The following DPP6 variants were observed in gnomAD, a reference collection of about 807,000 sequenced individuals.
The protein encoded by DPP6 is A-type potassium channel modulatory protein DPP6.
A neutral mutation model predicts 122.6 loss-of-function variants in DPP6; 69 were observed. The ratio of observed to expected loss-of-function variants is 0.56; its 90% confidence interval spans 0.46 to 0.69. The LOEUF is 0.69. Among genes scored for constraint, DPP6 ranks in the 30% least tolerant of loss-of-function variants. The probability of loss-of-function intolerance (pLI) is 0.00; values close to 1 mark genes in which losing one functional copy is unlikely to be tolerated. For synonymous variants in DPP6, 418 were observed against 433.1 expected (o/e 0.97, Z 0.43); for missense variants, 928 against 1,116.9 (o/e 0.83, Z 2.41).
intron 1 of DPP6, among the ~76,000 whole-genome samples, chr7:154,396,382 G>A (rs1263020650): frequency 6.6e-6 from 1 of 152,108 alleles, no homozygotes; most frequent in Admixed American, 6.5e-5. Context: ...TGTGCTACAC[G>A]TGTGGACAGG....
At chr7:154,881,528 G>A (rs899885746) in intron 21 of DPP6, among the ~76,000 whole-genome samples, 4 of 152,110 alleles carry the variant, frequency 2.6e-5, no homozygotes, top group African/African-American at 9.7e-5. Context: ...CCTAGACCTG[G>A]GGCCTCTTGA....
At chr7:154,320,787 C>T (rs1439300110) in intron 1 of DPP6, among the ~76,000 whole-genome samples, 6 of 152,052 alleles carry the variant, frequency 3.9e-5, no homozygotes, top group Non-Finnish European at 8.8e-5. Flanking sequence ...TGCCCGGCCC[C>T]TATTGTACTT....
At chr7:154,579,517 A>G (rs1831904856) in intron 5 of DPP6, among the ~76,000 whole-genome samples, 2 of 152,246 alleles carry the variant, frequency 1.3e-5, no homozygotes, top group African/African-American at 2.4e-5. Context: ...AAGTTACAAA[A>G]TATTACAATG....
chr7:153,977,150 A>G (rs1796349019), intron 1 of DPP6, among the ~76,000 whole-genome samples: 1 of 151,974 alleles, frequency 6.6e-6, no homozygotes. Context: ...CTCTTGGCCC[A>G]AAGGTTAACA....
At chr7:154,208,642 A>C (rs1799579444) in intron 1 of DPP6, among the ~76,000 whole-genome samples, 1 of 152,226 alleles carries the variant, frequency 6.6e-6, no homozygotes, top group South Asian at 2.1e-4. Flanking sequence ...TGCACAGTTT[A>C]ATTGGCAATT....
chr7:154,006,337 C>T (rs1797912091), intron 1 of DPP6, among the ~76,000 whole-genome samples: 1 of 151,864 alleles, frequency 6.6e-6, no homozygotes, highest in South Asian at 2.1e-4. Flanking sequence ...CCTATCTGCT[C>T]GCATTGAGAT....
At chr7:154,468,142 C>T (rs1402130011) in intron 2 of DPP6, among the ~76,000 whole-genome samples, 1 of 152,190 alleles carries the variant, frequency 6.6e-6, no homozygotes, top group African/African-American at 2.4e-5. Flanking sequence ...AGTAGTGGTA[C>T]ATTCTGTACG....
At chr7:154,751,106 GA>G (rs1563169326) in intron 8 of DPP6, among the ~76,000 whole-genome samples, 1 of 152,214 alleles carries the variant, frequency 6.6e-6, no homozygotes, top group African/African-American at 2.4e-5. Flanking sequence ...GTGTTAGGCA[GA>G]TGGATGTGCT....
At chr7:154,679,761 T>C (rs1839170235) in intron 7 of DPP6, among the ~76,000 whole-genome samples, 1 of 152,164 alleles carries the variant, frequency 6.6e-6, no homozygotes, top group South Asian at 2.1e-4. Context: ...TGTAAAAACA[T>C]TCATCATGGG....
chr7:154,343,049 T>G (rs965006987), intron 1 of DPP6, among the ~76,000 whole-genome samples: 1 of 152,206 alleles, frequency 6.6e-6, no homozygotes, highest in Non-Finnish European at 1.5e-5. Flanking sequence ...TGTTCAGCTT[T>G]GCTGAAAATG....
intron 5 of DPP6, among the ~76,000 whole-genome samples, chr7:154,571,033 G>C (rs570226392): frequency 1.1e-4 from 16 of 152,084 alleles, no homozygotes; most frequent in Admixed American, 3.3e-4. Context: ...GCTCCAAAGA[G>C]ACAACATGTG....
chr7:154,178,460 C>G (rs574103905), intron 1 of DPP6, among the ~76,000 whole-genome samples: 1 of 151,572 alleles, frequency 6.6e-6, no homozygotes, highest in African/African-American at 2.4e-5. Flanking sequence ...CTCTACCCAT[C>G]CCCAGCAATT....
intron 2 of DPP6, among the ~76,000 whole-genome samples, chr7:154,474,627 T>A (rs1822563925): frequency 6.6e-6 from 1 of 152,212 alleles, no homozygotes. Flanking sequence ...TCTCGACTAT[T>A]CCCACCCTAT....
At chr7:154,770,014 A>G (rs532598086) in intron 9 of DPP6, among the ~76,000 whole-genome samples, 2 of 152,284 alleles carry the variant, frequency 1.3e-5, no homozygotes, top group East Asian at 3.9e-4. Context: ...GTCCTTGCCA[A>G]ATTCATACAT....
At chr7:153,806,963 G>C in the DPP6 span, among the ~76,000 whole-genome samples, 1 of 151,934 alleles carries the variant, frequency 6.6e-6, no homozygotes, top group African/African-American at 2.4e-5. Flanking sequence ...TTTAACTGAA[G>C]GACCCCTCCG....
intron 19 of DPP6, among the ~76,000 whole-genome samples, chr7:154,874,806 G>A (rs911231132): frequency 1.3e-5 from 2 of 152,210 alleles, no homozygotes; most frequent in African/African-American, 4.8e-5. Flanking sequence ...CCCGGCAAGA[G>A]GGAAAATCAC....
chr7:153,941,633 C>G (rs1023608698), intron 1 of DPP6, among the ~76,000 whole-genome samples: 1 of 152,234 alleles, frequency 6.6e-6, no homozygotes, highest in South Asian at 2.1e-4. Context: ...TCAGCTGTCT[C>G]TTGGCCTCTG....
intron 1 of DPP6, among the ~76,000 whole-genome samples, chr7:154,213,897 C>T (rs1465057547): frequency 2.0e-5 from 3 of 152,180 alleles, no homozygotes; most frequent in Admixed American, 2.0e-4. Context: ...ACTTCCCAGC[C>T]AGCGGCCTTC....
intron 1 of DPP6, among the ~76,000 whole-genome samples, chr7:154,209,164 A>G (rs979018702): frequency 2.0e-5 from 3 of 152,186 alleles, no homozygotes; most frequent in African/African-American, 7.2e-5. Flanking sequence ...GATACATGTG[A>G]TCCCCGAGGA....
Sources: allele counts gnomAD v4.1 joint callset (sites outside exome capture counted in the v4.1 genomes callset), GRCh38; gene constraint gnomAD v4.1.1; transcripts MANE v1.5; gene names NCBI Gene and HGNC (gene_info 2026-07-23, HGNC 2026-07-21).